The following PCDHA3 variants were observed in gnomAD, a reference collection of about 807,000 sequenced individuals.
PCDHA3 encodes the protein protocadherin alpha-3.
A neutral mutation model predicts 62.2 loss-of-function variants in PCDHA3; 41 were observed. That is an observed-to-expected ratio of 0.66 (90% CI 0.51 to 0.86). The LOEUF (loss-of-function observed/expected upper bound fraction) is 0.86, where lower values mean the gene tolerates loss of function less well. Ranked by LOEUF, PCDHA3 falls within the 40% of genes least tolerant of loss-of-function variation. PCDHA3 has a pLI of 0.00. For missense variants in PCDHA3, 1,304 were observed against 1,241.2 expected (o/e 1.05, Z -0.76); for synonymous variants, 640 against 555.4 (o/e 1.15, Z -2.14).
chr5:140,821,735 T>G, intron 1 of PCDHA3: 1 of 1,535,068 alleles, frequency 6.5e-7, no homozygotes, highest in South Asian at 1.2e-5. Flanking sequence ...ATACATTGTG[T>G]GGTGATGCAA....
intron 1 of PCDHA3, chr5:140,824,442 T>C (rs1218681700): frequency 6.3e-6 from 3 of 472,476 alleles, no homozygotes; most frequent in African/African-American, 6.0e-5. Context: ...TTTCAGTTTA[T>C]GACTACATGA....
intron 3 of PCDHA3, among the ~76,000 whole-genome samples, chr5:140,997,500 C>T (rs567570276): frequency 5.3e-4 from 80 of 152,250 alleles, no homozygotes; most frequent in South Asian, 3.9e-3. Context: ...TGTATCTCAA[C>T]ATACCTAAAC....
intron 1 of PCDHA3, among the ~76,000 whole-genome samples, chr5:140,978,557 T>C (rs1262121525): frequency 6.6e-6 from 1 of 152,246 alleles, no homozygotes; most frequent in Non-Finnish European, 1.5e-5. Flanking sequence ...TGCCCTGTTA[T>C]AGCTGTAATA....
intron 1 of PCDHA3, among the ~76,000 whole-genome samples, chr5:140,913,322 T>G (rs1348973730): frequency 6.6e-6 from 1 of 152,190 alleles, no homozygotes; most frequent in Non-Finnish European, 1.5e-5. Context: ...GTAAGTTGTA[T>G]GTGTCTAGGA....
chr5:140,953,050 A>C (rs1169479924), intron 1 of PCDHA3, among the ~76,000 whole-genome samples: 1 of 152,122 alleles, frequency 6.6e-6, no homozygotes, highest in African/African-American at 2.4e-5. Flanking sequence ...TGATCCAATC[A>C]CCTCTCACAG....
intron 1 of PCDHA3, chr5:140,808,253 T>C: frequency 1.2e-6 from 2 of 1,614,254 alleles, no homozygotes; most frequent in South Asian, 1.1e-5. Context: ...CAAGTCTTTA[T>C]CACTTCCAAT....
chr5:140,935,921 C>G (rs1480748257), intron 1 of PCDHA3, among the ~76,000 whole-genome samples: 2 of 129,532 alleles, frequency 1.5e-5, no homozygotes, highest in African/African-American at 5.8e-5. Context: ...GAGACAGATT[C>G]TCATTCTGTT....
chr5:140,843,822 A>T, intron 1 of PCDHA3: 1 of 1,214,324 alleles, frequency 8.2e-7, no homozygotes, highest in Non-Finnish European at 1.2e-6. Context: ...GTGAAAATTT[A>T]AACATTGTTT....
intron 1 of PCDHA3, chr5:140,807,895 T>C (rs141163311): frequency 3.7e-6 from 6 of 1,613,994 alleles, no homozygotes; most frequent in Non-Finnish European, 5.1e-6. Context: ...TGGATGCCAA[T>C]GACAATGCCC....
intron 1 of PCDHA3, chr5:140,871,317 G>A: frequency 6.2e-7 from 1 of 1,614,080 alleles, no homozygotes; most frequent in Non-Finnish European, 8.5e-7. Flanking sequence ...AGCCCACGCT[G>A]GTGTGCTCCC....
At chr5:140,826,541 T>A (rs967580950) in intron 1 of PCDHA3, among the ~76,000 whole-genome samples, 3 of 152,192 alleles carry the variant, frequency 2.0e-5, no homozygotes, top group African/African-American at 7.2e-5. Flanking sequence ...TATTGGTGAC[T>A]CTATTTTTCT....
intron 1 of PCDHA3, chr5:140,967,347 A>G: frequency 6.2e-7 from 1 of 1,608,324 alleles, no homozygotes; most frequent in South Asian, 1.1e-5. Flanking sequence ...GAGCACTTCG[A>G]GCTGGACCTT....
At chr5:140,984,471 A>G (rs2153834399) in intron 3 of PCDHA3, among the ~76,000 whole-genome samples, 1 of 152,300 alleles carries the variant, frequency 6.6e-6, no homozygotes, top group Middle Eastern at 3.4e-3. Context: ...CCCCTCTTGT[A>G]TAACCCATTT....
chr5:140,889,893 C>A (rs1275511475), intron 1 of PCDHA3, among the ~76,000 whole-genome samples: 2 of 152,158 alleles, frequency 1.3e-5, no homozygotes, highest in Admixed American at 1.3e-4. Flanking sequence ...AGAATTCTGA[C>A]TACCTTGAGA....
At chr5:140,843,901 A>C in intron 1 of PCDHA3, 3 of 653,454 alleles carry the variant, frequency 4.6e-6, no homozygotes, top group South Asian at 2.2e-5. Context: ...ATCATTCTCC[A>C]CAAGTTGGGT....
chr5:140,906,271 T>A (rs2072508162), intron 1 of PCDHA3, among the ~76,000 whole-genome samples: 1 of 152,180 alleles, frequency 6.6e-6, no homozygotes, highest in African/African-American at 2.4e-5. Flanking sequence ...AAATTATAGA[T>A]AATCTTCAAA....
intron 1 of PCDHA3, chr5:140,807,200 T>C: frequency 6.2e-7 from 1 of 1,613,670 alleles, no homozygotes; most frequent in Non-Finnish European, 8.5e-7. Context: ...GGAGTTTTCC[T>C]GGGGAAGCGG....
At chr5:140,925,641 T>TATAATA (rs10569930) in intron 1 of PCDHA3, among the ~76,000 whole-genome samples, 37,208 of 143,074 alleles carry the variant, frequency 0.26, 4,933 homozygotes, top group Middle Eastern at 0.29. Context: ...GAACTTAAAG[T>TATAATA]ATAATAATAA....
intron 1 of PCDHA3, chr5:140,829,828 G>C: frequency 6.2e-7 from 1 of 1,613,938 alleles, no homozygotes; most frequent in Non-Finnish European, 8.5e-7. Flanking sequence ...CAGTGAGCGA[G>C]CTGGTGCCGC....
Sources: gnomAD v4.1 joint callset for allele counts (sites outside exome capture counted in the v4.1 genomes callset) on GRCh38, gnomAD v4.1.1 for gene constraint, MANE v1.5 for transcripts, NCBI Gene and HGNC (gene_info 2026-07-23, HGNC 2026-07-21) for gene names.